Variants in SNX24 observed in about 807,000 individuals in gnomAD.
SNX24 encodes sorting nexin-24.
A neutral mutation model predicts 28.7 loss-of-function variants in SNX24; 22 were observed. The ratio of observed to expected loss-of-function variants is 0.77; its 90% CI spans 0.55 to 1.10. SNX24 has a LOEUF of 1.10. SNX24 is among the 50% of genes least tolerant of loss of function. The pLI, the probability that SNX24 is intolerant of heterozygous loss-of-function variation, is 0.00. For missense variants in SNX24, 221 were observed against 201.1 expected, an observed-to-expected ratio of 1.10 and a Z score of -0.60; for synonymous variants, 69 against 71.5, an observed-to-expected ratio of 0.96 and a Z score of 0.18.
intron 1 of SNX24, among the ~76,000 whole-genome samples, chr5:122,901,390 G>A (rs1757443312): frequency 6.6e-6 from 1 of 152,090 alleles, no homozygotes; most frequent in Non-Finnish European, 1.5e-5. Context: ...ATCTTTCTTG[G>A]AATTTATAGG....
intron 3 of SNX24, among the ~76,000 whole-genome samples, chr5:122,979,168 C>T (rs1761290809): frequency 6.6e-6 from 1 of 152,208 alleles, no homozygotes; most frequent in Non-Finnish European, 1.5e-5. Flanking sequence ...ATCACGCTGG[C>T]ATCAGAACTA....
chr5:123,025,781 T>G (rs1244530502), intron 5 of SNX24: 2 of 1,611,502 alleles, frequency 1.2e-6, no homozygotes, highest in Non-Finnish European at 1.7e-6. Flanking sequence ...TGTATCAATT[T>G]ACCATCCCAT....
chr5:123,024,069 A>G, intron 5 of SNX24: 1 of 1,525,814 alleles, frequency 6.6e-7, no homozygotes, highest in Non-Finnish European at 8.8e-7. Flanking sequence ...CAAAGGTTAA[A>G]CCAAAGCCAA....
intron 1 of SNX24, among the ~76,000 whole-genome samples, chr5:122,858,637 T>G (rs1054348951): frequency 3.3e-5 from 5 of 152,224 alleles, no homozygotes; most frequent in Admixed American, 6.5e-5. Context: ...ACTGTAGCAG[T>G]TTATGAGTGT....
intron 3 of SNX24, among the ~76,000 whole-genome samples, chr5:122,948,353 G>T (rs1049615358): frequency 7.9e-5 from 12 of 152,112 alleles, no homozygotes; most frequent in Admixed American, 5.9e-4. Context: ...GGGAGTGGAT[G>T]CCACCAGCAC....
intron 6 of SNX24, among the ~76,000 whole-genome samples, chr5:123,005,657 A>G (rs568712257): frequency 1.3e-5 from 2 of 152,376 alleles, no homozygotes; most frequent in African/African-American, 4.8e-5. Context: ...GGCAAAGAAT[A>G]AAGGCATGTC....
chr5:122,982,619 C>T (rs570621160), intron 3 of SNX24, among the ~76,000 whole-genome samples: 18 of 152,188 alleles, frequency 1.2e-4, no homozygotes, highest in African/African-American at 4.3e-4. Context: ...CACATAATGC[C>T]TTTGAGGAAT....
intron 1 of SNX24, among the ~76,000 whole-genome samples, chr5:122,855,829 G>T (rs951689323): frequency 6.6e-6 from 1 of 152,092 alleles, no homozygotes; most frequent in Non-Finnish European, 1.5e-5. Flanking sequence ...CCATTGTAGG[G>T]TTATTAATTT....
intron 1 of SNX24, chr5:122,891,167 T>G (rs1756951226): frequency 1.4e-6 from 2 of 1,417,006 alleles, no homozygotes; most frequent in African/African-American, 2.9e-5. Context: ...GTTTTTTTGT[T>G]TTTTGTTTTT....
intron 1 of SNX24, among the ~76,000 whole-genome samples, chr5:122,872,491 G>T (rs140252203): frequency 3.1e-4 from 47 of 151,852 alleles, no homozygotes; most frequent in Admixed American, 1.8e-3. Flanking sequence ...CTCAGTATCC[G>T]TGGGGGATTG....
At chr5:122,971,115 C>G (rs1027966080) in intron 3 of SNX24, among the ~76,000 whole-genome samples, 8 of 152,332 alleles carry the variant, frequency 5.3e-5, no homozygotes, top group African/African-American at 1.7e-4. Context: ...CCTTCAGTCT[C>G]TGGCCAAAGG....
At chr5:122,942,948 AT>A (rs1327473976) in intron 2 of SNX24, among the ~76,000 whole-genome samples, 6 of 152,112 alleles carry the variant, frequency 3.9e-5, no homozygotes, top group African/African-American at 1.2e-4. Context: ...GATCTTCTAA[AT>A]TTTTTTTAAA....
At chr5:122,871,018 G>A (rs1023746691) in intron 1 of SNX24, among the ~76,000 whole-genome samples, 2 of 152,156 alleles carry the variant, frequency 1.3e-5, no homozygotes, top group African/African-American at 4.8e-5. Context: ...ATGGTCTTGG[G>A]GTATGGATTG....
chr5:122,884,836 G>A (rs1279469461), intron 1 of SNX24, among the ~76,000 whole-genome samples: 1 of 152,114 alleles, frequency 6.6e-6, no homozygotes, highest in Non-Finnish European at 1.5e-5. Flanking sequence ...CAGAAGGTAT[G>A]TAGTCTCTGA....
chr5:122,902,986 C>T (rs1008793484), intron 1 of SNX24, among the ~76,000 whole-genome samples: 1 of 152,146 alleles, frequency 6.6e-6, no homozygotes, highest in Admixed American at 6.5e-5. Flanking sequence ...TCCCCAGCCT[C>T]TTCAGTCTCA....
chr5:122,949,495 T>C (rs1310293069), intron 3 of SNX24, among the ~76,000 whole-genome samples: 4 of 152,150 alleles, frequency 2.6e-5, no homozygotes, highest in Admixed American at 1.3e-4. Context: ...AAATTTCAGA[T>C]CTTAAGGGGA....
intron 3 of SNX24, among the ~76,000 whole-genome samples, chr5:122,960,663 T>G (rs994046601): frequency 2.6e-5 from 4 of 152,166 alleles, no homozygotes; most frequent in African/African-American, 9.7e-5. Context: ...TCATGAGAAT[T>G]GTAGAGAAGC....
At chr5:122,851,774 A>G (rs1268245652) in intron 1 of SNX24, among the ~76,000 whole-genome samples, 1 of 152,122 alleles carries the variant, frequency 6.6e-6, no homozygotes, top group Admixed American at 6.6e-5. Flanking sequence ...TACCTTCAAT[A>G]TTTTATAATT....
intron 3 of SNX24, among the ~76,000 whole-genome samples, chr5:122,952,472 C>G (rs920259141): frequency 6.6e-6 from 1 of 152,184 alleles, no homozygotes; most frequent in African/African-American, 2.4e-5. Context: ...CACCTGACTG[C>G]GCGCTCCACT....
Sources: gnomAD v4.1 joint callset for allele counts (sites outside exome capture counted in the v4.1 genomes callset) on GRCh38, gnomAD v4.1.1 for gene constraint, MANE v1.5 for transcripts, NCBI Gene and HGNC (gene_info 2026-07-23, HGNC 2026-07-21) for gene names.